The following RAP1A variants were observed in gnomAD, a reference collection of about 807,000 sequenced individuals.
RAP1A encodes ras-related protein Rap-1A.
Under a neutral mutation model 26.4 loss-of-function variants are expected in RAP1A, and 6 were observed. That is an observed-to-expected ratio of 0.23 (90% confidence interval 0.12 to 0.45). The LOEUF (loss-of-function observed/expected upper bound fraction) is 0.45. Ranked by LOEUF, RAP1A falls within the 20% of genes least tolerant of loss-of-function variation. The probability of loss-of-function intolerance (pLI) is 0.99; values close to 1 mark genes in which losing one functional copy is unlikely to be tolerated. For missense variants in RAP1A, 121 were observed against 217.2 expected, an observed-to-expected ratio of 0.56 and a Z score of 2.78; for synonymous variants, 73 against 79.4, an observed-to-expected ratio of 0.92 and a Z score of 0.43.
chr1:111,552,161 A>G (rs1181796474), intron 1 of RAP1A, among the ~76,000 whole-genome samples: 1 of 152,242 alleles, frequency 6.6e-6, no homozygotes, highest in Non-Finnish European at 1.5e-5. Flanking sequence ...CAAGCTCTGA[A>G]ACAAGATAAA....
At chr1:111,553,994 G>A (rs1657379053) in intron 1 of RAP1A, among the ~76,000 whole-genome samples, 1 of 152,258 alleles carries the variant, frequency 6.6e-6, no homozygotes, top group South Asian at 2.1e-4. Flanking sequence ...AAGAAGAGGA[G>A]TGCAGGCACA....
chr1:111,709,773 T>C (rs1293724745), intron 7 of RAP1A, among the ~76,000 whole-genome samples: 2 of 152,226 alleles, frequency 1.3e-5, no homozygotes, highest in African/African-American at 4.8e-5. Flanking sequence ...ACGTAGTGTA[T>C]TTCCTGTGTC....
At chr1:111,586,964 C>A (rs781361511) in intron 1 of RAP1A, among the ~76,000 whole-genome samples, 1 of 152,062 alleles carries the variant, frequency 6.6e-6, no homozygotes, top group Non-Finnish European at 1.5e-5. Context: ...TATCAGACTG[C>A]GAAACTGAAT....
At chr1:111,616,244 G>A (rs1160455618), upstream of RAP1A, among the ~76,000 whole-genome samples, 3 of 152,208 alleles carry the variant, frequency 2.0e-5, no homozygotes, top group East Asian at 1.9e-4. Flanking sequence ...AGCTTGTAAA[G>A]GAGCCCTGGG....
chr1:111,553,710 G>A (rs746517959), intron 1 of RAP1A, among the ~76,000 whole-genome samples: 5 of 152,130 alleles, frequency 3.3e-5, no homozygotes, highest in Non-Finnish European at 5.9e-5. Context: ...ATACTGTGAT[G>A]TTCCTTTCTA....
chr1:111,689,344 C>G (rs755734628), intron 1 of RAP1A, among the ~76,000 whole-genome samples: 1 of 151,360 alleles, frequency 6.6e-6, no homozygotes, highest in South Asian at 2.1e-4. Context: ...TCTCCCTTTC[C>G]CCTTCTCTTC....
At chr1:111,551,387 A>G (rs2101036055) in intron 1 of RAP1A, among the ~76,000 whole-genome samples, 1 of 152,050 alleles carries the variant, frequency 6.6e-6, no homozygotes, top group African/African-American at 2.4e-5. Context: ...TTCCTTTACC[A>G]TTTCTTTTAC....
rs1264421700 is a variant in RAP1A at position 111,711,896 on chromosome 1, GACTA to G, written c.*30-531_*30-528del. 3.9e-5 allele frequency among the ~76,000 whole-genome samples: 6 copies of G among 152,232 alleles called. No individual in the cohort carries two copies. The East Asian group carries it at 1.2e-3, about 29-fold the overall frequency. ...CCTGATTCTTGTCTGTTGACAATAAGACTAACTTTGATTCTTCTGCTCTTGACTA... is the reference window on the plus strand; with the variant it reads ...CCTGATTCTTGTCTGTTGACAATAAGACTTTGATTCTTCTGCTCTTGACTA... On this transcript the variant is annotated intron_variant, in intron 7 of 7. Coordinates refer to ENST00000369709, the MANE Select transcript of RAP1A (RefSeq NM_002884.4).
At chr1:111,571,840 G>A (rs909470058) in intron 1 of RAP1A, among the ~76,000 whole-genome samples, 3 of 152,138 alleles carry the variant, frequency 2.0e-5, no homozygotes, top group Non-Finnish European at 2.9e-5. Context: ...TAGATAAAAT[G>A]GCATGCATTT....
chr1:111,658,675 TC>T lies in RAP1A; in HGVS notation c.-27-32658del, dbSNP rs1324727643. 5.9e-5 allele frequency among the ~76,000 whole-genome samples: 9 copies of T among 152,314 alleles called. No individual in the cohort carries two copies. In the Middle Eastern group the frequency reaches 0.01, roughly 173 times the overall value. ...CCATTGTAATCCTATGGGACCACCA[TC>T]ACATATGCGGTCTAAACAATGCGGA... On this transcript the variant is annotated intron_variant, in intron 1 of 7. Transcript: ENST00000369709.
intron 1 of RAP1A, among the ~76,000 whole-genome samples, chr1:111,630,483 G>A (rs527357260): frequency 2.6e-5 from 4 of 152,164 alleles, no homozygotes; most frequent in Non-Finnish European, 5.9e-5. Context: ...CTGAAGGGTT[G>A]ATGATAGTAG....
intron 1 of RAP1A, among the ~76,000 whole-genome samples, chr1:111,620,578 C>T (rs1411844556): frequency 4.0e-5 from 6 of 150,862 alleles, no homozygotes; most frequent in Non-Finnish European, 7.4e-5. Context: ...CCTTTCCTTC[C>T]TTTATTCCCC....
At chr1:111,685,081 CTG>C (rs953945364) in intron 1 of RAP1A, among the ~76,000 whole-genome samples, 1 of 151,722 alleles carries the variant, frequency 6.6e-6, no homozygotes, top group African/African-American at 2.4e-5. Context: ...GTTCAGAAAA[CTG>C]AAACTGGACT....
intron 1 of RAP1A, among the ~76,000 whole-genome samples, chr1:111,672,674 C>G (rs2101186350): frequency 6.6e-6 from 1 of 152,314 alleles, no homozygotes; most frequent in South Asian, 2.1e-4. Context: ...GATGCCTTTT[C>G]TAACCTAGCT....
At chr1:111,595,260 A>T (rs1271700431) in intron 1 of RAP1A, among the ~76,000 whole-genome samples, 2 of 152,200 alleles carry the variant, frequency 1.3e-5, no homozygotes, top group Non-Finnish European at 2.9e-5. Context: ...CAATATCTGG[A>T]CCAGCAACCT....
chr1:111,565,530 G>A (rs2101052188), intron 1 of RAP1A, among the ~76,000 whole-genome samples: 1 of 152,300 alleles, frequency 6.6e-6, no homozygotes, highest in African/African-American at 2.4e-5. Context: ...TACTGCAGAT[G>A]GGATGTCAGA....
At chr1:111,698,761 A>G (rs1557896893) in intron 4 of RAP1A, among the ~76,000 whole-genome samples, 1 of 152,136 alleles carries the variant, frequency 6.6e-6, no homozygotes, top group Non-Finnish European at 1.5e-5. Flanking sequence ...AACTCTTATC[A>G]GGGACCTTTG....
chr1:111,692,301 T>C (rs1243528104), intron 2 of RAP1A, among the ~76,000 whole-genome samples: 1 of 152,178 alleles, frequency 6.6e-6, no homozygotes, highest in Non-Finnish European at 1.5e-5. Context: ...AAGAGTCATG[T>C]CAAATTTTAT....
intron 1 of RAP1A, among the ~76,000 whole-genome samples, chr1:111,588,621 C>G (rs1658422266): frequency 1.3e-5 from 2 of 152,142 alleles, no homozygotes. Context: ...TGAGACTCCT[C>G]TGGGGATACT....
Sources: gnomAD v4.1 joint callset for allele counts (sites outside exome capture counted in the v4.1 genomes callset) on GRCh38, gnomAD v4.1.1 for gene constraint, MANE v1.5 for transcripts, NCBI Gene and HGNC (gene_info 2026-07-23, HGNC 2026-07-21) for gene names.